PHF14: variants seen among roughly 807,000 people sequenced by gnomAD.
PHF14 encodes the protein PHD finger protein 14.
Under a neutral mutation model 117.9 loss-of-function variants are expected in PHF14, and 55 were observed. That is an observed-to-expected ratio of 0.47 (90% CI 0.38 to 0.58). PHF14 has a LOEUF of 0.58. PHF14 is among the 20% of genes least tolerant of loss of function. The pLI is 0.00. For synonymous variants in PHF14, 409 were observed against 368.6 expected (o/e 1.11, Z -1.26); for missense variants, 978 against 1,122.2 (o/e 0.87, Z 1.84).
At chr7:11,099,628 A>G (rs1283875692) in intron 16 of PHF14, among the ~76,000 whole-genome samples, 1 of 152,120 alleles carries the variant, frequency 6.6e-6, no homozygotes, top group Non-Finnish European at 1.5e-5. Flanking sequence ...ATTATATGTT[A>G]TATACTTAAT....
chr7:11,126,057 T>G (rs951954412), intron 17 of PHF14, among the ~76,000 whole-genome samples: 1 of 152,118 alleles, frequency 6.6e-6, no homozygotes, highest in Admixed American at 6.6e-5. Context: ...TCTCAATTTT[T>G]AAAGACCAAT....
chr7:11,018,641 T>C (rs1783614295), intron 5 of PHF14, among the ~76,000 whole-genome samples: 1 of 152,200 alleles, frequency 6.6e-6, no homozygotes. Flanking sequence ...AGTTTTCTTA[T>C]GAGGTCTTTA....
At chr7:11,019,605 A>T in intron 5 of PHF14, among the ~76,000 whole-genome samples, 1 of 151,922 alleles carries the variant, frequency 6.6e-6, no homozygotes, top group East Asian at 1.9e-4. Flanking sequence ...TTTATTTCTA[A>T]TTTTATTTAC....
intron 17 of PHF14, among the ~76,000 whole-genome samples, chr7:11,142,378 T>C (rs924676212): frequency 3.3e-5 from 5 of 152,080 alleles, no homozygotes; most frequent in Non-Finnish European, 7.4e-5. Context: ...GTTCTGTTTA[T>C]ATAGAATAAA....
rs550981269 is a variant in PHF14 at position 11,062,690 on chromosome 7, T to A, written c.2654+605T>A. ...AATCAGACATAATGCTAATCAGAAA[T>A]CTTAGCTGATGCTGCACATTGGCTT... On this transcript the variant is annotated intron_variant, in intron 16 of 17. Coordinates refer to ENST00000634607, the MANE Select transcript of PHF14 (RefSeq NM_001007157.2). 9 of 984,560 alleles carry A rather than the reference T, an allele frequency of 9.1e-6. No individual in the cohort carries two copies. In the African/African-American group the frequency reaches 1.4e-4, roughly 15 times the overall value. 61.0% of individuals were successfully genotyped at this position (984,560 alleles called of 1,614,324 possible). A position where few individuals can be genotyped will look rare whatever the true frequency, so the allele number is the denominator to read the frequency against.
chr7:11,074,150 A>C (rs1042774522), intron 16 of PHF14, among the ~76,000 whole-genome samples: 4 of 151,928 alleles, frequency 2.6e-5, no homozygotes, highest in African/African-American at 9.7e-5. Context: ...CACTTTAGCA[A>C]ATGGTTGCTC....
At chr7:11,149,457 G>T (rs1401447763) in intron 17 of PHF14, among the ~76,000 whole-genome samples, 1 of 152,080 alleles carries the variant, frequency 6.6e-6, no homozygotes, top group African/African-American at 2.4e-5. Context: ...TGGATGAAAT[G>T]ATTTTTAAAT....
At chr7:10,989,814 A>G (rs1370679653) in intron 3 of PHF14, among the ~76,000 whole-genome samples, 4 of 152,092 alleles carry the variant, frequency 2.6e-5, no homozygotes, top group Non-Finnish European at 5.9e-5. Flanking sequence ...AATATTTTGT[A>G]GAGACAGGAT....
At chr7:11,112,757 C>T (rs1179948407) in intron 17 of PHF14, among the ~76,000 whole-genome samples, 7 of 150,054 alleles carry the variant, frequency 4.7e-5, no homozygotes, top group African/African-American at 7.4e-5. Flanking sequence ...GGCGACAGGG[C>T]GAGACTCCAT....
intron 17 of PHF14, among the ~76,000 whole-genome samples, chr7:11,149,172 T>A (rs1157648103): frequency 2.7e-5 from 4 of 147,028 alleles, no homozygotes; most frequent in Non-Finnish European, 5.9e-5. Context: ...TGTGCTCATG[T>A]AGATGTTTTA....
intron 16 of PHF14, among the ~76,000 whole-genome samples, chr7:11,071,691 C>T (rs1785617109): frequency 6.6e-6 from 1 of 152,168 alleles, no homozygotes; most frequent in African/African-American, 2.4e-5. Flanking sequence ...CCATTTCCAG[C>T]GTCAGGCAAC....
At chr7:11,074,936 T>C (rs1442020847) in intron 16 of PHF14, among the ~76,000 whole-genome samples, 3 of 146,554 alleles carry the variant, frequency 2.0e-5, no homozygotes, top group Non-Finnish European at 1.5e-5. Context: ...TTTTCAGATA[T>C]CTTTTTTTTT....
intron 14 of PHF14, among the ~76,000 whole-genome samples, chr7:11,060,788 G>A (rs902298506): frequency 6.6e-6 from 1 of 152,038 alleles, no homozygotes; most frequent in Non-Finnish European, 1.5e-5. Context: ...CAATATAAAT[G>A]TAAACAGATT....
intron 4 of PHF14, among the ~76,000 whole-genome samples, chr7:11,004,784 C>A (rs906995094): frequency 6.6e-6 from 1 of 151,504 alleles, no homozygotes. Flanking sequence ...GCCTGTAATC[C>A]CAGCACTTTG....
intron 13 of PHF14, among the ~76,000 whole-genome samples, chr7:11,047,323 C>T (rs753993806): frequency 5.9e-5 from 9 of 151,950 alleles, no homozygotes; most frequent in Non-Finnish European, 1.3e-4. Flanking sequence ...CTGCCTTGGC[C>T]TCCCAAAGTG....
chr7:11,157,904 G>A (rs1268306641), intron 17 of PHF14, among the ~76,000 whole-genome samples: 1 of 152,080 alleles, frequency 6.6e-6, no homozygotes, highest in African/African-American at 2.4e-5. Context: ...GAAATCAAAT[G>A]TACTTCTAAA....
chr7:11,098,849 C>T (rs1479734499), intron 16 of PHF14, among the ~76,000 whole-genome samples: 1 of 152,038 alleles, frequency 6.6e-6, no homozygotes, highest in Non-Finnish European at 1.5e-5. Context: ...TTCCTTTTTG[C>T]CTTAGACCAG....
rs1785339985 is a variant in PHF14, at chr7:11,064,158, T to A, written c.2654+2073T>A. On this transcript the variant is annotated intron_variant, in intron 16 of 17. Transcript: ENST00000634607. ...GTTATAATGTGATCTTTAAAAAAAA[T>A]ACATTGTTTATGCACTATTCTTCTT... Among the ~76,000 whole-genome samples, 7 of 152,034 alleles carry A rather than the reference T, an allele frequency of 4.6e-5. No homozygotes were observed. In the South Asian group the frequency reaches 1.4e-3, roughly 31 times the overall value.
chr7:11,076,571 T>C (rs186812955), intron 16 of PHF14, among the ~76,000 whole-genome samples: 2,708 of 147,114 alleles, frequency 0.018, 79 homozygotes, highest in African/African-American at 0.063. Context: ...CTTTTTCTTT[T>C]TTTTTTTTTT....
Sources: gnomAD v4.1 joint callset for allele counts (sites outside exome capture counted in the v4.1 genomes callset) on GRCh38, gnomAD v4.1.1 for gene constraint, MANE v1.5 for transcripts, NCBI Gene and HGNC (gene_info 2026-07-23, HGNC 2026-07-21) for gene names.